Variants in KLHL8 observed in about 807,000 individuals in gnomAD.
The protein encoded by KLHL8 is kelch like family member 8.
A neutral mutation model predicts 63.5 loss-of-function variants in KLHL8; 38 were observed. That is an observed-to-expected ratio of 0.60 (90% CI 0.46 to 0.78). KLHL8 has a LOEUF of 0.78. Among genes scored for constraint, KLHL8 ranks in the 30% least tolerant of loss-of-function variants. The probability of loss-of-function intolerance (pLI) is 0.00; values close to 1 mark genes in which losing one functional copy is unlikely to be tolerated. For synonymous variants in KLHL8, 224 were observed against 254.3 expected, an observed-to-expected ratio of 0.88 and a Z score of 1.13; for missense variants, 566 against 752.4, an observed-to-expected ratio of 0.75 and a Z score of 2.90.
intron 4 of KLHL8, among the ~76,000 whole-genome samples, chr4:87,181,670 G>A (rs532271279): frequency 4.0e-5 from 6 of 151,210 alleles, no homozygotes; most frequent in African/African-American, 1.2e-4. Flanking sequence ...TGTGACCTTC[G>A]GCATATTTTT....
rs189087590 is a variant in KLHL8 at position 87,165,019 on chromosome 4, G to T, written c.1538-940C>A. Among the ~76,000 whole-genome samples the T allele has an allele frequency of 1.5e-4, 22 of 151,710 alleles. 1 individual carries two copies. In the East Asian group the frequency reaches 2.9e-3, roughly 20 times the overall value. On this transcript the variant is annotated intron_variant, in intron 8 of 9. Coordinates refer to ENST00000273963, the MANE Select transcript of KLHL8 (RefSeq NM_020803.5). Reference sequence around the variant, plus strand: ...AAAAAATTAGCTGGGCATGGTGGCGGGCGCCTGTAGTCCCAGCTACTCGGG... The same window carrying T: ...AAAAAATTAGCTGGGCATGGTGGCGTGCGCCTGTAGTCCCAGCTACTCGGG...
chr4:87,234,555 G>A (rs1733194870), intron 1 of KLHL8, among the ~76,000 whole-genome samples: 1 of 152,136 alleles, frequency 6.6e-6, no homozygotes, highest in Admixed American at 6.5e-5. Flanking sequence ...TGTGATGTTG[G>A]TGTAAACAAA....
At chr4:87,192,334 T>C (rs1025785053) in intron 2 of KLHL8, among the ~76,000 whole-genome samples, 29 of 152,344 alleles carry the variant, frequency 1.9e-4, no homozygotes, top group African/African-American at 6.5e-4. Context: ...TATCTCTTTG[T>C]GGTTCTGGTT....
chr4:87,233,126 G>A (rs1438808316), intron 1 of KLHL8, among the ~76,000 whole-genome samples: 1 of 151,980 alleles, frequency 6.6e-6, no homozygotes, highest in Non-Finnish European at 1.5e-5. Flanking sequence ...TGCAACCTTC[G>A]CCTCCAGGGT....
rs561193038 is a variant in KLHL8 at position 87,186,841 on chromosome 4, A to T, written c.217-1042T>A. Among the ~76,000 whole-genome samples, 9 of 152,286 alleles carry T rather than the reference A, an allele frequency of 5.9e-5. No homozygotes were observed. In the South Asian group the frequency reaches 1.2e-3, roughly 21 times the overall value. On this transcript the variant is annotated intron_variant, in intron 2 of 9. Transcript: ENST00000273963. ...AACATCCCTATGAGTAAGTACTATTATTATCCACAATTTATCAATCAGAAA... is the reference window on the plus strand; with the variant it reads ...AACATCCCTATGAGTAAGTACTATTTTTATCCACAATTTATCAATCAGAAA...
chr4:87,238,474 T>C (rs1428183624), intron 1 of KLHL8, among the ~76,000 whole-genome samples: 1 of 152,138 alleles, frequency 6.6e-6, no homozygotes, highest in Non-Finnish European at 1.5e-5. Context: ...GAAGATAGCT[T>C]GAGCCCAGGA....
At chr4:87,198,373 A>T (rs1412350926) in intron 1 of KLHL8, among the ~76,000 whole-genome samples, 1 of 152,180 alleles carries the variant, frequency 6.6e-6, no homozygotes, top group Non-Finnish European at 1.5e-5. Context: ...CCCCAAGCTC[A>T]TAGTTTGCTG....
Position 87,163,925 on chromosome 4 carries a change from G to A in KLHL8, c.1692C>T (p.Gly564=). ...CTTCTACTGTATTTAAGTATGCATT[G>A]CCATTATGACCACCAACTGCAAAGA... ...GKIFAVGGHN[G]NAYLNTVEAF... Residue 564 remains glycine (G), a synonymous_variant, in exon 9 of 10, where the codon GGC becomes GGT. Coordinates refer to ENST00000273963, the MANE Select transcript of KLHL8 (RefSeq NM_020803.5). 6.2e-7 allele frequency: 1 copy of A among 1,614,094 alleles called. No individual in the cohort carries two copies. The highest frequency in any genetic ancestry group is 8.5e-7 in the Non-Finnish European group (1 of 1,180,000).
rs528667086 is a variant in KLHL8, at chr4:87,183,359, G to A, written c.796C>T (p.Leu266Phe). The A allele has an allele frequency of 2.7e-5, 43 of 1,608,990 alleles. No homozygotes were observed. The South Asian group carries it at 3.5e-4, about 13-fold the overall frequency. Reference protein sequence around the residue: ...VRLPLLPVDFLMGVVAKEQIV... With the variant: ...VRLPLLPVDFFMGVVAKEQIV... The stretch of plus-strand genomic sequence containing the variant: ...TGTTCTTTTGCCACAACACCCATAA[G>A]AAAATCAACCGGCAACAATGGCAGG... The change falls in exon 4 of 10, where the codon CTT becomes TTT. Residue 266 changes from leucine (L) to phenylalanine (F), a missense_variant. Coordinates refer to ENST00000273963, the MANE Select transcript of KLHL8 (RefSeq NM_020803.5).
intron 1 of KLHL8, among the ~76,000 whole-genome samples, chr4:87,231,364 C>T (rs992294379): frequency 1.3e-5 from 2 of 152,082 alleles, no homozygotes; most frequent in East Asian, 3.9e-4. Flanking sequence ...AAATCTAAAC[C>T]CTTACGTCTG....
chr4:87,192,946 T>C (rs1456567248), intron 2 of KLHL8, among the ~76,000 whole-genome samples: 1 of 152,174 alleles, frequency 6.6e-6, no homozygotes, highest in African/African-American at 2.4e-5. Flanking sequence ...TTGCTATGAA[T>C]GGAGCTGCAG....
intron 2 of KLHL8, among the ~76,000 whole-genome samples, chr4:87,187,561 A>C (rs1731314972): frequency 6.6e-6 from 1 of 151,826 alleles, no homozygotes; most frequent in South Asian, 2.1e-4. Flanking sequence ...TTGCTTTCAA[A>C]TTTTATTCTC....
chr4:87,191,303 T>C (rs987312335), intron 2 of KLHL8, among the ~76,000 whole-genome samples: 3 of 152,076 alleles, frequency 2.0e-5, no homozygotes, highest in African/African-American at 7.2e-5. Flanking sequence ...ACCCCCTCTC[T>C]ACAAAAAGTG....
At chr4:87,238,731 G>A (rs1560727842) in intron 1 of KLHL8, among the ~76,000 whole-genome samples, 1 of 152,122 alleles carries the variant, frequency 6.6e-6, no homozygotes, top group African/African-American at 2.4e-5. Context: ...GGACTTATTT[G>A]TATTTATTTT....
At chr4:87,183,092 C>T (rs1400719251) in intron 4 of KLHL8, 111 bp downstream of exon 4, 2 of 696,022 alleles carry the variant, frequency 2.9e-6, no homozygotes, top group African/African-American at 1.8e-5. Context: ...CCAATTATTA[C>T]TTTAAGGCAA....
chr4:87,231,475 T>C (rs933910499), intron 1 of KLHL8, among the ~76,000 whole-genome samples: 1 of 152,174 alleles, frequency 6.6e-6, no homozygotes. Context: ...GGGAGAATGA[T>C]GTGATAATCC....
At chr4:87,205,340 G>A (rs1009335210) in intron 1 of KLHL8, among the ~76,000 whole-genome samples, 2 of 152,150 alleles carry the variant, frequency 1.3e-5, no homozygotes, top group Non-Finnish European at 2.9e-5. Flanking sequence ...CCAGGAGGTC[G>A]AGGCCACAGT....
At chr4:87,224,891 A>G (rs1732944888), upstream of KLHL8, among the ~76,000 whole-genome samples, 1 of 151,806 alleles carries the variant, frequency 6.6e-6, no homozygotes, top group Non-Finnish European at 1.5e-5. Context: ...TCTCTGATAT[A>G]TATTGTTGTT....
chr4:87,195,916 A>G (rs533956510), intron 1 of KLHL8, among the ~76,000 whole-genome samples: 1 of 152,162 alleles, frequency 6.6e-6, no homozygotes, highest in African/African-American at 2.4e-5. Flanking sequence ...ACTTGAGCAC[A>G]TGACTTTTGA....
Sources: gnomAD v4.1 joint callset for allele counts (sites outside exome capture counted in the v4.1 genomes callset) on GRCh38, gnomAD v4.1.1 for gene constraint, MANE v1.5 for transcripts, NCBI Gene and HGNC (gene_info 2026-07-23, HGNC 2026-07-21) for gene names.